The following DMD variants were observed in gnomAD, a reference collection of about 807,000 sequenced individuals.
DMD encodes the protein dystrophin, also known as mutant dystrophin.
A neutral mutation model predicts 330.1 loss-of-function variants in DMD; 63 were observed. The observed-to-expected ratio is 0.19, with a 90% confidence interval of 0.16 to 0.24. The LOEUF (loss-of-function observed/expected upper bound fraction) is 0.24, where lower values mean the gene tolerates loss of function less well. Among genes scored for constraint, DMD ranks in the 10% least tolerant of loss-of-function variants. DMD has a pLI of 1.00. For missense variants in DMD, 3,344 were observed against 2,684.1 expected (o/e 1.25, Z -5.43); for synonymous variants, 1,223 against 959.8 (o/e 1.27, Z -5.07).
chrX:33,101,659 A>G (rs1160262730), intron 1 of DMD, among the ~76,000 whole-genome samples: 3 of 112,273 alleles, frequency 2.7e-5, no homozygotes, highest in Admixed American at 1.9e-4. Flanking sequence ...AGAAGAAAAA[A>G]AAAGAAAGAA....
chrX:31,687,442 T>C (rs1045566952), intron 52 of DMD, among the ~76,000 whole-genome samples: 8 of 110,827 alleles, frequency 7.2e-5, no homozygotes, highest in Middle Eastern at 4.6e-3. Context: ...CCCAAGGCCC[T>C]AAAATATGGG....
chrX:32,053,417 T>C (rs890213062), intron 44 of DMD, among the ~76,000 whole-genome samples: 11 of 111,172 alleles, frequency 9.9e-5, no homozygotes, highest in African/African-American at 3.3e-4. Context: ...ACAGAATGAA[T>C]TTCCCCCTCA....
intron 51 of DMD, among the ~76,000 whole-genome samples, chrX:31,773,724 C>CTTTTTT (rs762551529): frequency 7.5e-5 from 4 of 53,546 alleles, no homozygotes; most frequent in African/African-American, 1.5e-4. Flanking sequence ...AAGGTTTCTG[C>CTTTTTT]TTTTTTTTTT....
intron 44 of DMD, among the ~76,000 whole-genome samples, chrX:32,032,607 T>G (rs1179728386): frequency 9.0e-6 from 1 of 111,694 alleles, no homozygotes; most frequent in Non-Finnish European, 1.9e-5. Flanking sequence ...CATCTACACA[T>G]AAAAGCTCGA....
At chrX:31,647,961 A>T (rs2080200968) in intron 54 of DMD, among the ~76,000 whole-genome samples, 1 of 112,428 alleles carries the variant, frequency 8.9e-6, no homozygotes, top group Admixed American at 9.4e-5. Flanking sequence ...AGACGGAATG[A>T]CCACAGCATA....
chrX:31,610,252 C>T (rs758425443), intron 55 of DMD, among the ~76,000 whole-genome samples: 19 of 111,908 alleles, frequency 1.7e-4, no homozygotes, highest in Non-Finnish European at 3.4e-4. Context: ...ATAAGTAAAA[C>T]GACAACAAAA....
At chrX:31,480,038 C>T (rs190780299) in intron 57 of DMD, among the ~76,000 whole-genome samples, 54 of 112,068 alleles carry the variant, frequency 4.8e-4, no homozygotes, top group African/African-American at 1.5e-3. Context: ...TAAGTGCATG[C>T]TACATAAATG....
At chrX:33,250,081 T>C (rs1444404812) in intron 1 of DMD, among the ~76,000 whole-genome samples, 4 of 52,765 alleles carry the variant, frequency 7.6e-5, no homozygotes, top group Admixed American at 2.0e-4. Context: ...TAGTAAACTA[T>C]TCATTATATA....
intron 62 of DMD, among the ~76,000 whole-genome samples, chrX:31,298,404 C>CACACACAT (rs1556458590): frequency 0.047 from 4,719 of 100,450 alleles, 290 homozygotes; most frequent in African/African-American, 0.17. Flanking sequence ...CACACACACA[C>CACACACAT]ACACATACAC....
chrX:33,179,554 C>T (rs770548400), intron 1 of DMD, among the ~76,000 whole-genome samples: 7 of 108,558 alleles, frequency 6.4e-5, no homozygotes, highest in African/African-American at 2.0e-4. Flanking sequence ...ATTAGCCGGG[C>T]GTGGTGGCGG....
At position 32,043,543 on chromosome X, in the gene DMD, C is replaced by T. The variant is rs183813612; in HGVS notation, c.6439-75029G>A. Among the ~76,000 whole-genome samples the T allele has an allele frequency of 9.4e-3, 1,050 of 112,153 alleles. 6 individuals carry two copies. Among genetic ancestry groups the T allele is most frequent in the Non-Finnish European group, 0.013 (696 of 53,167 alleles). ...TAATTGAGTTAAAGCATAATAGTTT[C>T]TCTTGCATAAATAATTAAAATAGAA... On this transcript the variant is annotated intron_variant, in intron 44 of 78. Coordinates refer to ENST00000357033, the MANE Select transcript of DMD (RefSeq NM_004006.3).
chrX:32,014,320 T>TTCA (rs1201848182), intron 44 of DMD, among the ~76,000 whole-genome samples: 130 of 86,224 alleles, frequency 1.5e-3, no homozygotes, highest in African/African-American at 8.9e-3. Flanking sequence ...TACAGATTCA[T>TTCA]TTCCATAATA....
intron 20 of DMD, among the ~76,000 whole-genome samples, chrX:32,488,724 A>T (rs1004220588): frequency 9.0e-6 from 1 of 111,289 alleles, no homozygotes; most frequent in African/African-American, 3.3e-5. Context: ...ACAATATTTA[A>T]TATATAAAAC....
chrX:32,226,444 A>G (rs2097147963), intron 43 of DMD, among the ~76,000 whole-genome samples: 1 of 111,729 alleles, frequency 9.0e-6, no homozygotes, highest in Non-Finnish European at 1.9e-5. Flanking sequence ...ATACTACTTC[A>G]TGTTCTAATT....
intron 1 of DMD, among the ~76,000 whole-genome samples, chrX:33,286,628 A>T (rs1177884915): frequency 8.9e-6 from 1 of 112,164 alleles, no homozygotes. Context: ...TAAACAATAC[A>T]TAATGTTGTT....
At chrX:31,741,838 C>T (rs960918611) in intron 51 of DMD, among the ~76,000 whole-genome samples, 1 of 111,521 alleles carries the variant, frequency 9.0e-6, no homozygotes, top group Non-Finnish European at 1.9e-5. Context: ...CTATGAAAGT[C>T]CTAGATGGCA....
intron 41 of DMD, among the ~76,000 whole-genome samples, chrX:32,335,374 A>G (rs2148753898): frequency 9.5e-6 from 1 of 105,345 alleles, no homozygotes; most frequent in South Asian, 4.0e-4. Flanking sequence ...CTAATTTTAT[A>G]TATAAAACAT....
At chrX:31,449,783 T>TAGATAGATAGATAGATAG (rs1270288954) in intron 59 of DMD, among the ~76,000 whole-genome samples, 1 of 90,955 alleles carries the variant, frequency 1.1e-5, no homozygotes, top group African/African-American at 4.3e-5. Context: ...TATATATATA[T>TAGATAGATAGATAGATAG]ATATATATAT....
chrX:32,595,616 G>A (rs2055428293), intron 13 of DMD, 141 bp downstream of exon 13: 3 of 578,240 alleles, frequency 5.2e-6, no homozygotes, highest in Non-Finnish European at 8.4e-6. Flanking sequence ...CACTTCAGCT[G>A]ATTATGAGTG....
Sources: allele counts gnomAD v4.1 joint callset (sites outside exome capture counted in the v4.1 genomes callset), GRCh38; gene constraint gnomAD v4.1.1; transcripts MANE v1.5; gene names NCBI Gene and HGNC (gene_info 2026-07-23, HGNC 2026-07-21).